The following ZFAT variants were observed in gnomAD, a reference collection of about 807,000 sequenced individuals.
ZFAT encodes zinc finger protein ZFAT.
In ZFAT, 64 loss-of-function variants were observed where a neutral mutation model predicts 117.7. That is an observed-to-expected ratio of 0.54 (90% CI 0.44 to 0.67). ZFAT has a LOEUF of 0.67. ZFAT is among the 30% of genes least tolerant of loss of function. The pLI, the probability that ZFAT is intolerant of heterozygous loss-of-function variation, is 0.00. For synonymous variants in ZFAT, 679 were observed against 615.0 expected (o/e 1.10, Z -1.54); for missense variants, 1,433 against 1,584.5 (o/e 0.90, Z 1.62).
the ZFAT span, among the ~76,000 whole-genome samples, chr8:134,802,292 A>C: frequency 3.9e-5 from 6 of 152,352 alleles, no homozygotes; most frequent in African/African-American, 1.4e-4. Flanking sequence ...AAAAAAAAGA[A>C]ACAAAAATAT....
the ZFAT span, among the ~76,000 whole-genome samples, chr8:134,799,712 T>C: frequency 6.6e-6 from 1 of 152,178 alleles, no homozygotes; most frequent in Non-Finnish European, 1.5e-5. Flanking sequence ...CTCCAGAAGC[T>C]GGGATTCAAA....
At chr8:134,716,761 A>G (rs148073341), upstream of ZFAT, among the ~76,000 whole-genome samples, 102 of 152,384 alleles carry the variant, frequency 6.7e-4, no homozygotes, top group Non-Finnish European at 1.0e-3. Context: ...AACATTGTAT[A>G]TGCAAAAATA....
Position 134,692,154 on chromosome 8 carries a change from A to T in ZFAT, c.19+20691T>A, listed in dbSNP as rs1160129822. Among the ~76,000 whole-genome samples the T allele has an allele frequency of 2.0e-5, 3 of 152,306 alleles. No homozygotes were observed. In the East Asian group the frequency reaches 5.8e-4, roughly 29 times the overall value. On this transcript the variant is annotated intron_variant, in intron 1 of 15. Transcript: ENST00000377838. The stretch of plus-strand genomic sequence containing the variant: ...GCCCGGCCTGAACTAAGTCATTCTT[A>T]ACGCTCATTTTCTAGAAAAGGAAGA...
the ZFAT span, among the ~76,000 whole-genome samples, chr8:134,789,179 C>T: frequency 2.0e-5 from 3 of 152,086 alleles, no homozygotes; most frequent in Non-Finnish European, 4.4e-5. Context: ...CCTTTTAGTG[C>T]TTAAGAGATT....
chr8:134,701,089 T>C (rs1049968480), intron 1 of ZFAT, among the ~76,000 whole-genome samples: 37 of 152,318 alleles, frequency 2.4e-4, no homozygotes, highest in African/African-American at 8.2e-4. Context: ...TACATTCACA[T>C]TGTTGTGCAA....
intron 1 of ZFAT, among the ~76,000 whole-genome samples, chr8:134,700,043 T>G (rs1257832125): frequency 6.6e-6 from 1 of 152,208 alleles, no homozygotes; most frequent in Non-Finnish European, 1.5e-5. Context: ...GATGGAGTCT[T>G]AGGCACTGAG....
rs538900262 is a variant in ZFAT, at chr8:134,600,084, G to A, written c.2475+352C>T. 1.1e-4 allele frequency: 41 copies of A among 359,078 alleles called. 1 individual carries two copies. Among genetic ancestry groups the A allele is most frequent in the South Asian group, 9.2e-4 (39 of 42,606 alleles). 22.2% of individuals were successfully genotyped at this position (359,078 alleles called of 1,614,324 possible). The stretch of plus-strand genomic sequence containing the variant: ...TAATTCAACCTCTCAACCACGTTCA[G>A]TAGGAGCTATTACTGTTATCTCTGC... On this transcript the variant is annotated intron_variant, in intron 7 of 15. Transcript: ENST00000377838.
the ZFAT span, among the ~76,000 whole-genome samples, chr8:134,739,793 G>A: frequency 9.2e-5 from 14 of 152,244 alleles, no homozygotes; most frequent in African/African-American, 1.7e-4. Context: ...AGCAGAGGCT[G>A]AGGACTCCCC....
intron 2 of ZFAT, among the ~76,000 whole-genome samples, chr8:134,651,547 A>G (rs952634921): frequency 5.3e-5 from 8 of 152,346 alleles, no homozygotes; most frequent in African/African-American, 1.7e-4. Context: ...TTTATCTCAT[A>G]TGAATTTTAT....
intron 1 of ZFAT, among the ~76,000 whole-genome samples, chr8:134,672,208 C>T (rs535649636): frequency 3.9e-5 from 6 of 152,282 alleles, no homozygotes; most frequent in Admixed American, 2.6e-4. Context: ...CAATGCCATC[C>T]CCATCAAGCT....
At chr8:134,595,581 T>C (rs1826865549) in intron 7 of ZFAT, among the ~76,000 whole-genome samples, 1 of 152,186 alleles carries the variant, frequency 6.6e-6, no homozygotes, top group African/African-American at 2.4e-5. Flanking sequence ...ACTAAAATCG[T>C]CTCAAGTGCC....
chr8:134,815,680 C>T, the ZFAT span, among the ~76,000 whole-genome samples: 3 of 152,308 alleles, frequency 2.0e-5, no homozygotes, highest in East Asian at 5.8e-4. Context: ...ACATTTTTCT[C>T]ACTTTAGAGG....
intron 12 of ZFAT, among the ~76,000 whole-genome samples, chr8:134,530,654 A>C (rs1304197288): frequency 6.6e-6 from 1 of 152,206 alleles, no homozygotes; most frequent in African/African-American, 2.4e-5. Context: ...ATACACGTAC[A>C]TATGCATATG....
intron 13 of ZFAT, among the ~76,000 whole-genome samples, chr8:134,515,642 C>T (rs1820200973): frequency 6.6e-6 from 1 of 152,144 alleles, no homozygotes; most frequent in African/African-American, 2.4e-5. Flanking sequence ...TCTTTGCCCA[C>T]TTTTTGATGG....
chr8:134,507,118 C>T (rs12114784), intron 15 of ZFAT, among the ~76,000 whole-genome samples: 23,337 of 152,176 alleles, frequency 0.15, 2,832 homozygotes, highest in African/African-American at 0.33. Context: ...ACTGGTGCAA[C>T]AGAGTTCACA....
At chr8:134,685,257 G>A (rs1311612071) in intron 1 of ZFAT, among the ~76,000 whole-genome samples, 1 of 152,074 alleles carries the variant, frequency 6.6e-6, no homozygotes, top group Non-Finnish European at 1.5e-5. Context: ...AAATTAAAAA[G>A]CCAGAACTTA....
intron 12 of ZFAT, among the ~76,000 whole-genome samples, chr8:134,524,860 T>G (rs1820914833): frequency 1.3e-5 from 2 of 152,200 alleles, no homozygotes; most frequent in Admixed American, 6.5e-5. Flanking sequence ...ACACTACTAA[T>G]AGCAATAACA....
chr8:134,494,089 G>A (rs562286657), intron 15 of ZFAT, among the ~76,000 whole-genome samples: 7 of 152,036 alleles, frequency 4.6e-5, no homozygotes, highest in South Asian at 2.1e-4. Flanking sequence ...CAGGCCTGGC[G>A]TGGCAGCTCT....
chr8:134,509,499 A>G (rs1175584987), intron 15 of ZFAT, 120 bp downstream of exon 15: 16 of 1,428,312 alleles, frequency 1.1e-5, no homozygotes, highest in Non-Finnish European at 1.4e-5. Flanking sequence ...GTATGAGACT[A>G]GACCAATTTC....
Sources: gnomAD v4.1 joint callset for allele counts (sites outside exome capture counted in the v4.1 genomes callset) on GRCh38, gnomAD v4.1.1 for gene constraint, MANE v1.5 for transcripts, NCBI Gene and HGNC (gene_info 2026-07-23, HGNC 2026-07-21) for gene names.